Variants in NEURL1 observed in about 807,000 individuals in gnomAD.
NEURL1 encodes neuralized E3 ubiquitin protein ligase 1.
In NEURL1, 26 loss-of-function variants were observed where a neutral mutation model predicts 41.2. The observed-to-expected ratio is 0.63, with a 90% CI of 0.46 to 0.87. The LOEUF is 0.87. Among genes scored for constraint, NEURL1 ranks in the 40% least tolerant of loss-of-function variants. The pLI is 0.00. For missense variants in NEURL1, 761 were observed against 871.1 expected (o/e 0.87, Z 1.59); for synonymous variants, 400 against 402.3 (o/e 0.99, Z 0.07).
intron 1 of NEURL1, among the ~76,000 whole-genome samples, chr10:103,529,140 A>G (rs1405098853): frequency 1.3e-5 from 2 of 152,298 alleles, no homozygotes; most frequent in East Asian, 3.9e-4. Context: ...TTTTATTAAA[A>G]CCAAATCATG....
chr10:103,586,995 G>A (rs574929471), intron 4 of NEURL1, among the ~76,000 whole-genome samples: 23 of 152,248 alleles, frequency 1.5e-4, no homozygotes, highest in African/African-American at 5.5e-4. Context: ...AGGCTGCAGT[G>A]ACCTGAGATA....
chr10:103,531,081 G>A (rs1419112295), intron 1 of NEURL1, among the ~76,000 whole-genome samples: 1 of 151,898 alleles, frequency 6.6e-6, no homozygotes, highest in Non-Finnish European at 1.5e-5. Context: ...TTAGCCAGGT[G>A]TGGTGGTGTG....
At chr10:103,538,414 C>T (rs191074241) in intron 1 of NEURL1, among the ~76,000 whole-genome samples, 12 of 151,948 alleles carry the variant, frequency 7.9e-5, no homozygotes, top group South Asian at 6.3e-4. Context: ...CTACTAAAAA[C>T]GCAAAAACTA....
intron 1 of NEURL1, among the ~76,000 whole-genome samples, chr10:103,521,921 T>C (rs530345043): frequency 7.3e-6 from 1 of 137,568 alleles, no homozygotes; most frequent in Non-Finnish European, 1.5e-5. Flanking sequence ...GCGGGTTGAG[T>C]CAGAAAAGAG....
At chr10:103,555,571 G>A (rs1260479805) in intron 1 of NEURL1, among the ~76,000 whole-genome samples, 1 of 152,078 alleles carries the variant, frequency 6.6e-6, no homozygotes, top group Non-Finnish European at 1.5e-5. Flanking sequence ...TTGGTGGTGG[G>A]CACTGGGGTG....
intron 1 of NEURL1, among the ~76,000 whole-genome samples, chr10:103,525,927 C>A (rs990369405): frequency 4.6e-5 from 7 of 152,096 alleles, no homozygotes; most frequent in African/African-American, 1.7e-4. Context: ...TCCTTCTATA[C>A]CTAACTTGTT....
Position 103,508,592 on chromosome 10 carries a change from T to G in NEURL1, c.85+14120T>G, listed in dbSNP as rs2033999312. ...TGGAGGGCTGAGAGGGCTTAGCCAGTGCCTGAGAGGGGCAGAAGGGGTTTT... is the reference window on the plus strand; with the variant it reads ...TGGAGGGCTGAGAGGGCTTAGCCAGGGCCTGAGAGGGGCAGAAGGGGTTTT... On this transcript the variant is annotated intron_variant, in intron 1 of 5. Transcript: ENST00000369780. This position sits in a 1 kb window ranked among gnomAD's most constrained non-coding sequence, Gnocchi z 4.3. 6.6e-6 allele frequency among the ~76,000 whole-genome samples: 1 copy of G among 152,140 alleles called. No homozygotes were observed. The highest frequency in any genetic ancestry group is 1.5e-5 in the Non-Finnish European group (1 of 68,030).
intron 4 of NEURL1, 128 bp downstream of exon 4, chr10:103,585,353 T>C: frequency 1.2e-6 from 1 of 860,896 alleles, no homozygotes; most frequent in Admixed American, 3.2e-5. Context: ...CACAGACACC[T>C]AAGGTGAGTT....
chr10:103,531,198 C>A (rs899166945), intron 1 of NEURL1, among the ~76,000 whole-genome samples: 2 of 151,682 alleles, frequency 1.3e-5, no homozygotes, highest in African/African-American at 2.4e-5. Context: ...CCAGCCTGGG[C>A]AACAAAGCAA....
rs560208485 is a variant in NEURL1 at position 103,556,532 on chromosome 10, C to T, written c.86-14340C>T. ...GTGGTGGCAGGAGCGCATGGGCAGC[C>T]GCAGCCGGAACTGGTGACCAGGTGG... On this transcript the variant is annotated intron_variant, in intron 1 of 5. Coordinates refer to ENST00000369780, the MANE Select transcript of NEURL1 (RefSeq NM_004210.5). This position sits in a 1 kb window ranked among gnomAD's most constrained non-coding sequence, Gnocchi z 4.4. 3.3e-5 allele frequency among the ~76,000 whole-genome samples: 5 copies of T among 152,194 alleles called. No individual in the cohort carries two copies. Among genetic ancestry groups the T allele is most frequent in the East Asian group, 1.9e-4 (1 of 5,174 alleles).
intron 1 of NEURL1, among the ~76,000 whole-genome samples, chr10:103,557,841 A>G (rs2035190148): frequency 6.6e-6 from 1 of 152,148 alleles, no homozygotes; most frequent in Non-Finnish European, 1.5e-5. Context: ...GGGCTCCTGA[A>G]GACACATTGA....
rs747236359 is a variant in NEURL1, at chr10:103,558,853, G to A, written c.86-12019G>A. 5.9e-5 allele frequency among the ~76,000 whole-genome samples: 9 copies of A among 152,082 alleles called. No homozygotes were observed. The highest frequency in any genetic ancestry group is 1.0e-4 in the Non-Finnish European group (7 of 68,008). ...TCAATGCTCCCTCAGGGCAAGGAAG[G>A]GACCCCTTGCTGACGGCTGATGTGT... On this transcript the variant is annotated intron_variant, in intron 1 of 5. Coordinates refer to ENST00000369780, the MANE Select transcript of NEURL1 (RefSeq NM_004210.5). The surrounding 1 kb of genome is among the most constrained non-coding windows in gnomAD (Gnocchi z 4.2).
rs1041221837 is a variant in NEURL1, at chr10:103,508,777, G to A, written c.85+14305G>A. On this transcript the variant is annotated intron_variant, in intron 1 of 5. Coordinates refer to ENST00000369780, the MANE Select transcript of NEURL1 (RefSeq NM_004210.5). The surrounding 1 kb of genome is among the most constrained non-coding windows in gnomAD (Gnocchi z 4.3). ...AAGTTTCGGCCTCAGAGGGCAGCCC[G>A]CCAGGAAACTAGGGCTCTGTGTGCA... 3.3e-5 allele frequency among the ~76,000 whole-genome samples: 5 copies of A among 152,186 alleles called. No individual in the cohort carries two copies. Among genetic ancestry groups the A allele is most frequent in the Admixed American group, 6.5e-5 (1 of 15,282 alleles).
At chr10:103,554,833 T>A (rs1470218758) in intron 1 of NEURL1, among the ~76,000 whole-genome samples, 1 of 152,204 alleles carries the variant, frequency 6.6e-6, no homozygotes, top group Non-Finnish European at 1.5e-5. Flanking sequence ...CTGTTTTGCT[T>A]CCCAGGGGGT....
chr10:103,494,433 C>CCGAGCCG lies in NEURL1; in HGVS notation c.49_55dup (p.Ala19GlufsTer120). ...TATCCCCTCGCTGCCCCGAGGAAACCCGAGCCGCGCGCCGCGGGGCCACCC... is the reference window on the plus strand; with the variant it reads ...TATCCCCTCGCTGCCCCGAGGAAACCCGAGCCGCGAGCCGCGCGCCGCGGGGCCACCC... On this transcript the variant is annotated frameshift_variant, in exon 1 of 6. Transcript: ENST00000369780. LOFTEE classifies it high-confidence loss of function. 1.3e-6 allele frequency: 2 copies of CCGAGCCG among 1,598,714 alleles called. No individual in the cohort carries two copies. Among genetic ancestry groups the CCGAGCCG allele is most frequent in the Non-Finnish European group, 8.5e-7 (1 of 1,173,094 alleles).
chr10:103,499,256 T>G (rs2033763603), intron 1 of NEURL1, among the ~76,000 whole-genome samples: 1 of 152,218 alleles, frequency 6.6e-6, no homozygotes, highest in Non-Finnish European at 1.5e-5. Flanking sequence ...AAAGGTTGAC[T>G]AAGGGTCTTG....
chr10:103,571,816 C>A lies in NEURL1; in HGVS notation c.643C>A (p.Leu215Met), dbSNP rs1220527919. 4 of 1,599,600 alleles carry A rather than the reference C, an allele frequency of 2.5e-6. No homozygotes were observed. The highest frequency in any genetic ancestry group is 3.4e-6 in the Non-Finnish European group (4 of 1,173,250). The change falls in exon 3 of 6, where the codon CTG (leucine) becomes ATG (methionine). Residue 215 changes from leucine (L) to methionine (M), a missense_variant. Leu to Met is a conservative substitution (Grantham distance 15). This residue lies in a region of NEURL1 where 114 missense variants were observed against 144.8 expected (regional missense o/e 0.79). Coordinates refer to ENST00000369780, the MANE Select transcript of NEURL1 (RefSeq NM_004210.5). ...DVYGLTRGVQLLDSELVLPDC... is the reference protein window; with the variant it reads ...DVYGLTRGVQMLDSELVLPDC... ...CTACGGCCTCACGCGGGGCGTCCAG[C>A]TGCTTGGTGAGTGCCTGCCCCTCCG...
rs774528254 is a variant in NEURL1, at chr10:103,571,770, G to A, written c.597G>A (p.Pro199=). The A allele has an allele frequency of 1.1e-5, 17 of 1,613,240 alleles. No individual in the cohort carries two copies. The highest frequency in any genetic ancestry group is 1.0e-4 in the Admixed American group (6 of 59,994). The change falls in exon 3 of 6, where the codon CCG becomes CCA. Residue 199 remains proline (P), a synonymous_variant. Coordinates refer to ENST00000369780, the MANE Select transcript of NEURL1 (RefSeq NM_004210.5). ...LFFSGVRTAD[P]LWALVDVYGL... ...TCAGCGGGGTCCGCACGGCCGACCC[G>A]CTCTGGGCCCTGGTGGACGTCTACG...
chr10:103,534,130 C>T (rs1192151078), intron 1 of NEURL1, among the ~76,000 whole-genome samples: 1 of 148,014 alleles, frequency 6.8e-6, no homozygotes, highest in Non-Finnish European at 1.5e-5. Flanking sequence ...TTGAATTTGT[C>T]TTTCACATCG....
Sources: allele counts gnomAD v4.1 joint callset (sites outside exome capture counted in the v4.1 genomes callset), GRCh38; gene constraint gnomAD v4.1.1; regional missense constraint gnomAD v4.1.1; non-coding constraint Gnocchi (gnomAD v3.1); transcripts MANE v1.5; gene names NCBI Gene and HGNC (gene_info 2026-07-23, HGNC 2026-07-21).